DACT3: variants seen among roughly 807,000 people sequenced by gnomAD.
DACT3 encodes dishevelled binding antagonist of beta catenin 3, also known as dapper homolog 3.
A neutral mutation model predicts 19.6 loss-of-function variants in DACT3; 5 were observed. That is an observed-to-expected ratio of 0.26 (90% CI 0.13 to 0.54). The LOEUF (loss-of-function observed/expected upper bound fraction) is 0.54. Among genes scored for constraint, DACT3 ranks in the 20% least tolerant of loss-of-function variants. DACT3 has a pLI of 0.95. For synonymous variants in DACT3, 454 were observed against 428.1 expected (o/e 1.06, Z -0.75); for missense variants, 908 against 927.4 (o/e 0.98, Z 0.27).
At chr19:46,653,942 T>C (rs902279767) in intron 1 of DACT3, 2 of 978,772 alleles carry the variant, frequency 2.0e-6, no homozygotes, top group African/African-American at 3.5e-5. Context: ...CTTAAGTCCT[T>C]CCTGCTGCAG....
chr19:46,649,332 T>C lies in DACT3; in HGVS notation c.1040A>G (p.Asp347Gly). 1 of 1,239,676 alleles carries C rather than the reference T, an allele frequency of 8.1e-7. No homozygotes were observed. The highest frequency in any genetic ancestry group is 1.0e-6 in the Non-Finnish European group (1 of 989,550). 76.8% of individuals were successfully genotyped at this position (1,239,676 alleles called of 1,614,324 possible). Residue 347 changes from aspartate to glycine, a missense_variant, in exon 4 of 4, where the codon GAC becomes GGC. By Grantham distance (94) the Asp-to-Gly change is moderately conservative. Coordinates refer to ENST00000391916, the MANE Select transcript of DACT3 (RefSeq NM_145056.3). ...CACCAAGCGGCCCTCAGCCGGGCTG[T>C]CGGGGGGTGAGGGGGCGGCGGGCGG... Reference protein sequence around the residue: ...AAPPAAPSPPDSPAEGRLVKA... With the variant: ...AAPPAAPSPPGSPAEGRLVKA...
chr19:46,650,125 C>CGATT, intron 3 of DACT3: 1 of 150,882 alleles, frequency 6.6e-6, no homozygotes. Context: ...ATCTTACCCC[C>CGATT]TATTTTTTTT....
intron 1 of DACT3, among the ~76,000 whole-genome samples, chr19:46,657,346 CTTTTTTTTTTTT>C (rs71177239): frequency 1.4e-5 from 1 of 69,386 alleles, no homozygotes; most frequent in Admixed American, 2.0e-4. Flanking sequence ...AAATGAGTTT[CTTTTTTTTTTTT>C]TTTTTTTTTT....
chr19:46,649,876 GGGAA>G lies in DACT3; in HGVS notation c.500-8_500-5del. On this transcript the variant is annotated splice_region_variant and splice_polypyrimidine_tract_variant and intron_variant, in intron 3 of 3. Coordinates refer to ENST00000391916, the MANE Select transcript of DACT3 (RefSeq NM_145056.3). Reference sequence around the variant, plus strand: ...GGAGCGCTGGGACTGGCGTCTCCTAGGGAAGGAAGGCCAAAAAAAAAAAAAAAAG... The same window carrying G: ...GGAGCGCTGGGACTGGCGTCTCCTAGGGAAGGCCAAAAAAAAAAAAAAAAG... 3 of 1,339,672 alleles carry G rather than the reference GGGAA, an allele frequency of 2.2e-6. No individual in the cohort carries two copies. Among genetic ancestry groups the G allele is most frequent in the South Asian group, 3.3e-5 (2 of 60,826 alleles). 83.0% of individuals were successfully genotyped at this position (1,339,672 alleles called of 1,614,324 possible).
Position 46,648,890 on chromosome 19 carries a change from G to A in DACT3, c.1482C>T (p.Ala494=). Residue 494 remains alanine (A), a synonymous_variant, in exon 4 of 4, where the codon GCC becomes GCT. Transcript: ENST00000391916. This position sits in a 1 kb window ranked among gnomAD's most constrained non-coding sequence, Gnocchi z 5.1. ...AADGRRVRPR[A]PAARVPGPGP... The stretch of plus-strand genomic sequence containing the variant: ...CGGGGCCGGGAACACGCGCCGCAGG[G>A]GCTCGGGGCCGCACGCGGCGCCCAT... 7.2e-7 allele frequency: 1 copy of A among 1,385,466 alleles called. No homozygotes were observed. The highest frequency in any genetic ancestry group is 9.3e-7 in the Non-Finnish European group (1 of 1,079,666). The allele number at this position is 1,385,466 out of a possible 1,614,324, so 85.8% of individuals were successfully genotyped here. A position where few individuals can be genotyped will look rare whatever the true frequency, so the allele number is the denominator to read the frequency against.
At chr19:46,651,228 A>C (rs1312594518) in intron 3 of DACT3, 1 of 151,908 alleles carries the variant, frequency 6.6e-6, no homozygotes, top group South Asian at 2.1e-4. Context: ...GATTACAGGC[A>C]CGCGCCACCA....
chr19:46,649,986 C>G, intron 3 of DACT3, 114 bp from the exon 4 acceptor site: 3 of 1,191,066 alleles, frequency 2.5e-6, no homozygotes, highest in Non-Finnish European at 3.2e-6. Context: ...CCCTTCCATC[C>G]TCATCGCAGC....
intron 1 of DACT3, among the ~76,000 whole-genome samples, chr19:46,657,566 G>A (rs1406871193): frequency 6.6e-6 from 1 of 151,160 alleles, no homozygotes; most frequent in African/African-American, 2.4e-5. Flanking sequence ...CGTTAGCCAA[G>A]ATGGTCTCAA....
Position 46,658,369 on chromosome 19 carries a change from A to G in DACT3, c.249+2447T>C, listed in dbSNP as rs138064219. Among the ~76,000 whole-genome samples the G allele has an allele frequency of 8.9e-3, 1,349 of 152,320 alleles. 10 individuals carry two copies. Among genetic ancestry groups the G allele is most frequent in the African/African-American group, 0.031 (1,282 of 41,566 alleles). ...GATCGTGCCACTGCACTTCAGCCTG[A>G]GAGACTTTGTCTCCAAAAATAAATG... is the stretch of plus-strand genomic sequence containing the variant. On this transcript the variant is annotated intron_variant, in intron 1 of 3. Transcript: ENST00000391916.
Position 46,648,329 on chromosome 19 carries a change from T to A in DACT3, c.*153A>T. ...CCTCTCGGTGGTGGTGGGGGAGCCT[T>A]TTCAACCAAGACTGTTAGGAGTGGG... On this transcript the variant is annotated 3_prime_UTR_variant, in exon 4 of 4. Coordinates refer to ENST00000391916, the MANE Select transcript of DACT3 (RefSeq NM_145056.3). The surrounding 1 kb of genome is among the most constrained non-coding windows in gnomAD (Gnocchi z 5.1). The A allele has an allele frequency of 2.3e-6, 3 of 1,326,482 alleles. No homozygotes were observed. The highest frequency in any genetic ancestry group is 3.1e-6 in the Non-Finnish European group (3 of 974,292). 82.2% of individuals were successfully genotyped at this position (1,326,482 alleles called of 1,614,324 possible). A position where few individuals can be genotyped will look rare whatever the true frequency, so the allele number is the denominator to read the frequency against.
chr19:46,660,691 AC>A lies in DACT3; in HGVS notation c.249+124del. The A allele has an allele frequency of 1.5e-6, 2 of 1,372,888 alleles. No homozygotes were observed. Among genetic ancestry groups the A allele is most frequent in the Non-Finnish European group, 9.4e-7 (1 of 1,068,428 alleles). The allele number at this position is 1,372,888 out of a possible 1,614,324, so 85.0% of individuals were successfully genotyped here. A position where few individuals can be genotyped will look rare whatever the true frequency, so the allele number is the denominator to read the frequency against. ...CCGGAACTCCGGGGTCGCCAGCCCCACCCCCTGTCCTTTCTCACTCCCTGCC... is the reference window on the plus strand; with the variant it reads ...CCGGAACTCCGGGGTCGCCAGCCCCACCCCTGTCCTTTCTCACTCCCTGCC... On this transcript the variant is annotated intron_variant, in intron 1 of 3. Coordinates refer to ENST00000391916, the MANE Select transcript of DACT3 (RefSeq NM_145056.3). This position sits in a 1 kb window ranked among gnomAD's most constrained non-coding sequence, Gnocchi z 4.9.
At position 46,661,072 on chromosome 19, in the gene DACT3, G is replaced by A; in HGVS notation, c.-8C>T. The A allele has an allele frequency of 6.9e-7, 1 of 1,443,686 alleles. No individual in the cohort carries two copies. The highest frequency in any genetic ancestry group is 9.1e-7 in the Non-Finnish European group (1 of 1,104,192). 89.4% of individuals were successfully genotyped at this position (1,443,686 alleles called of 1,614,324 possible). On this transcript the variant is annotated 5_prime_UTR_variant, in exon 1 of 4. Transcript: ENST00000391916. ...CGAGAAGGCCCGGATCATGGCTGCG[G>A]CCCCCCGCCCCAGCCCGGCCGGGCC...
intron 1 of DACT3, among the ~76,000 whole-genome samples, chr19:46,656,580 G>C (rs2122474621): frequency 6.6e-6 from 1 of 152,108 alleles, no homozygotes; most frequent in South Asian, 2.1e-4. Flanking sequence ...GAACTCCTGG[G>C]CTTGAGCAGT....
chr19:46,653,109 G>A (rs775552076), intron 1 of DACT3, 34 bp from the exon 2 acceptor site: 17 of 1,548,850 alleles, frequency 1.1e-5, no homozygotes, highest in African/African-American at 6.8e-5. Flanking sequence ...TGGTCAGAAG[G>A]CCCCCAGTCC....
At chr19:46,656,716 T>C (rs542443543) in intron 1 of DACT3, among the ~76,000 whole-genome samples, 233 of 152,284 alleles carry the variant, frequency 1.5e-3, no homozygotes, top group African/African-American at 5.5e-3. Context: ...TATACAGCTG[T>C]TAAAACGGAA....
At chr19:46,650,035 A>G in intron 3 of DACT3, 163 bp from the exon 4 acceptor site, 1 of 847,020 alleles carries the variant, frequency 1.2e-6, no homozygotes, top group Non-Finnish European at 1.6e-6. Context: ...TGTAAAATTC[A>G]TAATAAAATC....
chr19:46,648,697 C>T lies in DACT3; in HGVS notation c.1675G>A (p.Ala559Thr). 6.2e-7 allele frequency: 1 copy of T among 1,610,228 alleles called. No homozygotes were observed. The highest frequency in any genetic ancestry group is 8.5e-7 in the Non-Finnish European group (1 of 1,179,238). Residue 559 changes from alanine (A) to threonine (T), a missense_variant, in exon 4 of 4, where the codon GCC (alanine) becomes ACC (threonine). Around this residue, in one of 2 missense-constraint regions of DACT3, gnomAD observed 656 missense variants for 601.8 expected, o/e 1.09. Coordinates refer to ENST00000391916, the MANE Select transcript of DACT3 (RefSeq NM_145056.3). This position sits in a 1 kb window ranked among gnomAD's most constrained non-coding sequence, Gnocchi z 5.1. Reference protein sequence around the residue: ...ESSASEGESPAFSSASSDSDG... With the variant: ...ESSASEGESPTFSSASSDSDG... ...GAGTCGCTGGAGGCAGAGCTGAAGG[C>T]AGGCGATTCTCCCTCGCTGGCGCTC...
chr19:46,649,981 C>G (rs1249127951), intron 3 of DACT3, 109 bp from the exon 4 acceptor site: 3 of 1,211,720 alleles, frequency 2.5e-6, no homozygotes, highest in Non-Finnish European at 3.1e-6. Flanking sequence ...TCCCTCCCTT[C>G]CATCCTCATC....
rs534859902 is a variant in DACT3 at position 46,647,585 on chromosome 19, T to A, written c.*897A>T. 6.6e-6 allele frequency: 1 copy of A among 152,606 alleles called. No individual in the cohort carries two copies. The highest frequency in any genetic ancestry group is 2.1e-4 in the South Asian group (1 of 4,824). 9.5% of individuals were successfully genotyped at this position (152,606 alleles called of 1,614,324 possible). A position where few individuals can be genotyped will look rare whatever the true frequency, so the allele number is the denominator to read the frequency against. ...AAAGGAAAAAGAGCATTTCTCCCAT[T>A]TAATCATTCAGTGAGAGTCCACCAC... On this transcript the variant is annotated 3_prime_UTR_variant, in exon 4 of 4. Coordinates refer to ENST00000391916, the MANE Select transcript of DACT3 (RefSeq NM_145056.3).
Sources: gnomAD v4.1 joint callset for allele counts (sites outside exome capture counted in the v4.1 genomes callset) on GRCh38, gnomAD v4.1.1 for gene constraint, gnomAD v4.1.1 regional missense constraint, Gnocchi (gnomAD v3.1) non-coding constraint, MANE v1.5 for transcripts, NCBI Gene and HGNC (gene_info 2026-07-23, HGNC 2026-07-21) for gene names.